Variants in JAK2 observed in about 807,000 individuals in gnomAD.
The protein encoded by JAK2 is tyrosine-protein kinase JAK2.
In JAK2, 86 loss-of-function variants were observed where a neutral mutation model predicts 139.3. That is an observed-to-expected ratio of 0.62 (90% confidence interval 0.52 to 0.74). The LOEUF is 0.74. Ranked by LOEUF, JAK2 falls within the 30% of genes least tolerant of loss-of-function variation. JAK2 has a pLI of 0.00. For missense variants in JAK2, 1,421 were observed against 1,360.3 expected, an observed-to-expected ratio of 1.04 and a Z score of -0.70; for synonymous variants, 490 against 437.7, an observed-to-expected ratio of 1.12 and a Z score of -1.49.
At chr9:5,046,125 C>A (rs577487821) in intron 5 of JAK2, among the ~76,000 whole-genome samples, 2 of 152,268 alleles carry the variant, frequency 1.3e-5, no homozygotes, top group South Asian at 2.1e-4. Context: ...TCTCTAACAA[C>A]CAGTGATCAT....
rs1477386511 is a variant in JAK2 at position 5,070,045 on chromosome 9, T to C, written c.1634T>C (p.Leu545Ser). Residue 545 changes from leucine (L) to serine (S), a missense_variant, in exon 12 of 25, where the codon TTG (leucine) becomes TCG (serine). Coordinates refer to ENST00000381652, the MANE Select transcript of JAK2 (RefSeq NM_004972.4). ...TTTCACAAAATCAGAAATGAAGATT[T>C]GATATTTGTAAGTCATTAGATACTC... is the stretch of plus-strand genomic sequence containing the variant. The part of the protein sequence containing the change: ...MVFHKIRNED[L>S]IFNESLGQGT... The C allele has an allele frequency of 1.9e-6, 3 of 1,600,976 alleles. No homozygotes were observed. The highest frequency in any genetic ancestry group is 1.1e-5 in the South Asian group (1 of 88,920).
At chr9:5,107,329 C>T (rs946958299) in intron 22 of JAK2, among the ~76,000 whole-genome samples, 2 of 152,006 alleles carry the variant, frequency 1.3e-5, no homozygotes, top group African/African-American at 2.4e-5. Context: ...TAAATCCAGC[C>T]CCTATGAAGG....
chr9:5,012,689 T>C (rs547203416), intron 2 of JAK2, among the ~76,000 whole-genome samples: 2 of 152,350 alleles, frequency 1.3e-5, no homozygotes, highest in South Asian at 4.1e-4. Flanking sequence ...TTCTACCTGC[T>C]AAGAATAGAT....
chr9:5,127,604 A>C lies in JAK2; in HGVS notation c.*813A>C, dbSNP rs1824081147. ...CCAAATTTTTCTAAGACTACTATGA[A>C]CAGTTTTCTTTTAAAATTTTGAGAT... On this transcript the variant is annotated 3_prime_UTR_variant, in exon 25 of 25. Coordinates refer to ENST00000381652, the MANE Select transcript of JAK2 (RefSeq NM_004972.4). 1 of 231,762 alleles carries C rather than the reference A, an allele frequency of 4.3e-6. No individual in the cohort carries two copies. Among genetic ancestry groups the C allele is most frequent in the Non-Finnish European group, 8.6e-6 (1 of 116,766 alleles). 14.4% of individuals were successfully genotyped at this position (231,762 alleles called of 1,614,324 possible).
intron 22 of JAK2, among the ~76,000 whole-genome samples, chr9:5,117,013 CT>C (rs1353429185): frequency 3.9e-5 from 6 of 152,152 alleles, no homozygotes; most frequent in African/African-American, 1.4e-4. Context: ...GATTAAGGCC[CT>C]TATAAGAGGC....
chr9:5,122,961 A>G (rs754798327), intron 22 of JAK2, 43 bp from the exon 23 acceptor site: 2 of 1,266,368 alleles, frequency 1.6e-6, no homozygotes, highest in Non-Finnish European at 2.3e-6. Flanking sequence ...AAGAGTCCAC[A>G]TATCAAGTAA....
intron 8 of JAK2, among the ~76,000 whole-genome samples, chr9:5,063,803 A>G (rs932017772): frequency 6.6e-6 from 1 of 152,208 alleles, no homozygotes; most frequent in Non-Finnish European, 1.5e-5. Flanking sequence ...ATACGTCTAT[A>G]TATTTTCCCA....
In JAK2 at chr9:5,128,230, C is replaced by T; in HGVS notation, c.*1439C>T. 4.3e-6 allele frequency: 1 copy of T among 230,882 alleles called. No individual in the cohort carries two copies. The highest frequency in any genetic ancestry group is 8.6e-6 in the Non-Finnish European group (1 of 116,598). The allele number at this position is 230,882 out of a possible 1,614,324, so 14.3% of individuals were successfully genotyped here. A position where few individuals can be genotyped will look rare whatever the true frequency, so the allele number is the denominator to read the frequency against. ...TTTTTGAAAGTTGTACTGAAGACTTCTGATTTTGGGTTGAAGGGAAGGAAA... is the reference window on the plus strand; with the variant it reads ...TTTTTGAAAGTTGTACTGAAGACTTTTGATTTTGGGTTGAAGGGAAGGAAA... On this transcript the variant is annotated 3_prime_UTR_variant, in exon 25 of 25. Coordinates refer to ENST00000381652, the MANE Select transcript of JAK2 (RefSeq NM_004972.4).
At chr9:5,040,387 G>A (rs573955867) in intron 4 of JAK2, among the ~76,000 whole-genome samples, 2 of 152,112 alleles carry the variant, frequency 1.3e-5, no homozygotes, top group East Asian at 3.9e-4. Context: ...TGTGTACTTA[G>A]ATTAGGCAGT....
intron 4 of JAK2, among the ~76,000 whole-genome samples, chr9:5,040,395 A>AC (rs1816394320): frequency 6.6e-6 from 1 of 152,224 alleles, no homozygotes; most frequent in African/African-American, 2.4e-5. Flanking sequence ...TAGATTAGGC[A>AC]GTGGTTTCTT....
chr9:5,047,011 A>C (rs1817055203), intron 5 of JAK2, among the ~76,000 whole-genome samples: 1 of 152,176 alleles, frequency 6.6e-6, no homozygotes. Context: ...CAGAATACTC[A>C]ATTTTATCCT....
chr9:4,988,204 A>G (rs1423215296), intron 2 of JAK2, among the ~76,000 whole-genome samples: 1 of 151,338 alleles, frequency 6.6e-6, no homozygotes, highest in Non-Finnish European at 1.5e-5. Flanking sequence ...CCAGTTTCCC[A>G]AACTGTGTGC....
chr9:5,066,761 A>G lies in JAK2; in HGVS notation c.1298A>G (p.Asn433Ser). 6.4e-7 allele frequency: 1 copy of G among 1,565,402 alleles called. No homozygotes were observed. The highest frequency in any genetic ancestry group is 1.9e-5 in the Admixed American group (1 of 51,580). The change falls in exon 10 of 25, where the codon AAT becomes AGT. Residue 433 changes from asparagine to serine, a missense_variant. Transcript: ENST00000381652. ...CTTCGATGCAGTCCTAAGGACTTTA[A>G]TAAATATTTTTTGACTTTTGCTGTC... Reference protein sequence around the residue: ...YVLRCSPKDFNKYFLTFAVER... With the variant: ...YVLRCSPKDFSKYFLTFAVER...
At chr9:5,047,010 C>G (rs781514654) in intron 5 of JAK2, among the ~76,000 whole-genome samples, 2 of 152,054 alleles carry the variant, frequency 1.3e-5, no homozygotes, top group African/African-American at 4.8e-5. Flanking sequence ...TCAGAATACT[C>G]AATTTTATCC....
At chr9:5,021,589 G>A (rs1420040415) in intron 2 of JAK2, among the ~76,000 whole-genome samples, 3 of 152,154 alleles carry the variant, frequency 2.0e-5, no homozygotes, top group African/African-American at 7.2e-5. Flanking sequence ...TGTATGAAGG[G>A]TGCCTTATCA....
chr9:4,985,277 G>A lies in JAK2; in HGVS notation c.-462G>A. 6.5e-6 allele frequency: 1 copy of A among 152,694 alleles called. No homozygotes were observed. Among genetic ancestry groups the A allele is most frequent in the Non-Finnish European group, 1.5e-5 (1 of 68,272 alleles). 9.5% of individuals were successfully genotyped at this position (152,694 alleles called of 1,614,324 possible). On this transcript the variant is annotated 5_prime_UTR_variant, in exon 1 of 25. Transcript: ENST00000381652. Reference sequence around the variant, plus strand: ...AAGGAGAGAGGAAGAGGAGCAGAAGGGGGCAGCAGCGGACGCCGCTAACGG... The same window carrying A: ...AAGGAGAGAGGAAGAGGAGCAGAAGAGGGCAGCAGCGGACGCCGCTAACGG...
intron 19 of JAK2, among the ~76,000 whole-genome samples, chr9:5,087,234 T>TA (rs1370397927): frequency 1.3e-5 from 2 of 152,294 alleles, no homozygotes; most frequent in East Asian, 3.9e-4. Flanking sequence ...TCAGGAAACT[T>TA]ACAGTCATGG....
intron 5 of JAK2, among the ~76,000 whole-genome samples, chr9:5,049,087 T>G (rs1204933418): frequency 6.6e-6 from 1 of 152,196 alleles, no homozygotes; most frequent in Non-Finnish European, 1.5e-5. Flanking sequence ...TTAATAAAGT[T>G]ATCAGCCTTT....
At chr9:5,098,442 T>C (rs923123069) in intron 22 of JAK2, 1 of 152,186 alleles carries the variant, frequency 6.6e-6, no homozygotes. Context: ...TTTTCCTAAT[T>C]AGTTCCTGGT....
Sources: gnomAD v4.1 joint callset for allele counts (sites outside exome capture counted in the v4.1 genomes callset) on GRCh38, gnomAD v4.1.1 for gene constraint, MANE v1.5 for transcripts, NCBI Gene and HGNC (gene_info 2026-07-23, HGNC 2026-07-21) for gene names.